TRIM55: variants seen among roughly 807,000 people sequenced by gnomAD.
TRIM55 encodes the protein tripartite motif-containing protein 55.
Under a neutral mutation model 60.9 loss-of-function variants are expected in TRIM55, and 50 were observed. That is an observed-to-expected ratio of 0.82 (90% CI 0.65 to 1.04). The LOEUF is 1.04. Among genes scored for constraint, TRIM55 ranks in the 50% least tolerant of loss-of-function variants. TRIM55 has a pLI of 0.00. For missense variants in TRIM55, 681 were observed against 666.9 expected, an observed-to-expected ratio of 1.02 and a Z score of -0.23; for synonymous variants, 237 against 238.1, an observed-to-expected ratio of 1.00 and a Z score of 0.04.
At chr8:66,116,224 T>G in the TRIM55 span, among the ~76,000 whole-genome samples, 1 of 152,180 alleles carries the variant, frequency 6.6e-6, no homozygotes, top group Non-Finnish European at 1.5e-5. Context: ...TATTAAGAAC[T>G]TATATTGACA....
intron 2 of TRIM55, among the ~76,000 whole-genome samples, chr8:66,134,276 TAGC>T (rs760408313): frequency 2.0e-5 from 3 of 152,236 alleles, no homozygotes; most frequent in East Asian, 1.9e-4. Flanking sequence ...TGAAAACTAT[TAGC>T]AGCCTCAGTC....
chr8:66,114,273 T>G, the TRIM55 span, among the ~76,000 whole-genome samples: 1 of 152,128 alleles, frequency 6.6e-6, no homozygotes, highest in East Asian at 1.9e-4. Context: ...TTTTCCTTCC[T>G]GTCCCGTACG....
chr8:66,138,964 C>A (rs947805024), intron 4 of TRIM55, among the ~76,000 whole-genome samples: 1 of 152,190 alleles, frequency 6.6e-6, no homozygotes, highest in Admixed American at 6.5e-5. Context: ...ATACTTATCT[C>A]ATTTTAAATT....
upstream of TRIM55, among the ~76,000 whole-genome samples, chr8:66,126,554 C>T (rs897925328): frequency 9.9e-5 from 15 of 152,106 alleles, no homozygotes; most frequent in East Asian, 1.4e-3. Context: ...AGGTGGATAC[C>T]TTTATGGTGA....
At chr8:66,128,081 C>T (rs867767006) in intron 1 of TRIM55, among the ~76,000 whole-genome samples, 15 of 151,976 alleles carry the variant, frequency 9.9e-5, no homozygotes, top group Admixed American at 2.0e-4. Flanking sequence ...AAGTGGTGGA[C>T]GGAAAAGCAC....
At chr8:66,157,172 C>T (rs1359454919) in intron 9 of TRIM55, among the ~76,000 whole-genome samples, 1 of 152,118 alleles carries the variant, frequency 6.6e-6, no homozygotes, top group Non-Finnish European at 1.5e-5. Flanking sequence ...GAGCCCATGT[C>T]ATGTATGCTG....
chr8:66,152,657 G>T (rs761087112), intron 8 of TRIM55, 30 bp downstream of exon 8: 14 of 1,596,564 alleles, frequency 8.8e-6, no homozygotes, highest in African/African-American at 4.1e-5. Flanking sequence ...TTTCTACAGG[G>T]CACATGGGCG....
In TRIM55 at chr8:66,150,362, C is replaced by T. The variant is rs767711261; in HGVS notation, c.881C>T (p.Ala294Val). ...TGCAGAATCTCGGAAGCATCAAAGGCATTTCAGATGGAGAAAATAGAACAT... is the reference window on the plus strand; with the variant it reads ...TGCAGAATCTCGGAAGCATCAAAGGTATTTCAGATGGAGAAAATAGAACAT... ...LLKKISEASK[A>V]FQMEKIEHGY... Residue 294 changes from alanine (A) to valine (V), a missense_variant, in exon 7 of 10, where the codon GCA becomes GTA. Coordinates refer to ENST00000315962, the MANE Select transcript of TRIM55 (RefSeq NM_184085.2). The T allele has an allele frequency of 6.2e-7, 1 of 1,614,172 alleles. No homozygotes were observed. The highest frequency in any genetic ancestry group is 1.1e-5 in the South Asian group (1 of 91,090).
chr8:66,167,474 A>G (rs1329051719), intron 9 of TRIM55, among the ~76,000 whole-genome samples: 1 of 152,184 alleles, frequency 6.6e-6, no homozygotes, highest in Non-Finnish European at 1.5e-5. Context: ...TGTGATATCA[A>G]CTTCCATAAC....
Position 66,152,903 on chromosome 8 carries a change from T to TTGTGTGTG in TRIM55, c.1236+312_1236+319dup, listed in dbSNP as rs59283692. Among the ~76,000 whole-genome samples, 1,191 of 140,360 alleles carry TTGTGTGTG rather than the reference T, an allele frequency of 8.5e-3. 10 individuals carry two copies. Among genetic ancestry groups the TTGTGTGTG allele is most frequent in the African/African-American group, 0.02 (757 of 38,110 alleles). 92.1% of individuals were successfully genotyped at this position (140,360 alleles called of 152,430 possible). On this transcript the variant is annotated intron_variant, in intron 8 of 9. Coordinates refer to ENST00000315962, the MANE Select transcript of TRIM55 (RefSeq NM_184085.2). ...ATCAAAGGCAATCTTTGTCTGGAAA[T>TTGTGTGTG]TGTGTGTGTGTGTGTGTGTGTGTGT... is the stretch of plus-strand genomic sequence containing the variant.
intron 2 of TRIM55, among the ~76,000 whole-genome samples, chr8:66,129,180 TC>T (rs1466017984): frequency 6.6e-5 from 10 of 152,264 alleles, no homozygotes; most frequent in Admixed American, 1.3e-4. Flanking sequence ...ATCTATCCAT[TC>T]ATTTTTAAAA....
intron 9 of TRIM55, among the ~76,000 whole-genome samples, chr8:66,164,678 C>A (rs1208116660): frequency 6.6e-6 from 1 of 152,162 alleles, no homozygotes; most frequent in African/African-American, 2.4e-5. Context: ...GTTCCTCACA[C>A]CTTATGGCTC....
chr8:66,127,714 A>G (rs959994170), intron 1 of TRIM55, among the ~76,000 whole-genome samples: 1 of 152,028 alleles, frequency 6.6e-6, no homozygotes, highest in African/African-American at 2.4e-5. Flanking sequence ...GGGCACCTAT[A>G]ATCTCAGGTA....
intron 9 of TRIM55, among the ~76,000 whole-genome samples, chr8:66,159,845 G>A (rs1046501061): frequency 2.0e-5 from 3 of 152,046 alleles, no homozygotes; most frequent in Admixed American, 6.6e-5. Context: ...ATTTTCTTTG[G>A]TGAAGTAAAT....
chr8:66,132,853 A>G (rs1340872877), intron 2 of TRIM55, among the ~76,000 whole-genome samples: 1 of 152,242 alleles, frequency 6.6e-6, no homozygotes, highest in Non-Finnish European at 1.5e-5. Flanking sequence ...TTCTCAGTGT[A>G]TACAGCACCA....
chr8:66,113,372 G>GT, the TRIM55 span: 1 of 383,566 alleles, frequency 2.6e-6, no homozygotes, highest in Non-Finnish European at 5.2e-6. Flanking sequence ...ACGTCCCTTC[G>GT]ATAGCTCAGC....
intron 4 of TRIM55, among the ~76,000 whole-genome samples, chr8:66,143,644 C>T (rs1201279011): frequency 6.6e-6 from 1 of 151,270 alleles, no homozygotes; most frequent in Non-Finnish European, 1.5e-5. Flanking sequence ...ATACCTATTT[C>T]TTTGGAACAG....
intron 9 of TRIM55, among the ~76,000 whole-genome samples, chr8:66,172,391 C>T (rs1459781935): frequency 6.6e-6 from 1 of 152,170 alleles, no homozygotes; most frequent in Non-Finnish European, 1.5e-5. Context: ...TCTAAAGATA[C>T]TCAGGATAAC....
intron 2 of TRIM55, among the ~76,000 whole-genome samples, chr8:66,131,821 G>A (rs1390565479): frequency 6.6e-6 from 1 of 152,120 alleles, no homozygotes; most frequent in African/African-American, 2.4e-5. Flanking sequence ...AACTCAAGTA[G>A]GTCATGTCCC....
Sources: gnomAD v4.1 joint callset for allele counts (sites outside exome capture counted in the v4.1 genomes callset) on GRCh38, gnomAD v4.1.1 for gene constraint, MANE v1.5 for transcripts, NCBI Gene and HGNC (gene_info 2026-07-23, HGNC 2026-07-21) for gene names.